PSMD6: variants seen among roughly 807,000 people sequenced by gnomAD.
PSMD6 encodes the protein 26S proteasome non-ATPase regulatory subunit 6.
PSMD6 carries 7 observed loss-of-function variants against 44.9 expected under a neutral mutation model. The observed-to-expected ratio is 0.16, with a 90% CI of 0.09 to 0.29. The LOEUF (loss-of-function observed/expected upper bound fraction) is 0.29. PSMD6 is among the 10% of genes least tolerant of loss of function. The pLI, the probability that PSMD6 is intolerant of heterozygous loss-of-function variation, is 1.00. For missense variants in PSMD6, 420 were observed against 482.6 expected, an observed-to-expected ratio of 0.87 and a Z score of 1.21; for synonymous variants, 184 against 172.7, an observed-to-expected ratio of 1.07 and a Z score of -0.51.
intron 2 of PSMD6, chr3:64,019,741 A>C: frequency 3.7e-6 from 1 of 271,340 alleles, no homozygotes. Flanking sequence ...TCTCTGTTCT[A>C]TATATTCAAT....
At chr3:64,023,230 CG>C (rs758250329) in intron 1 of PSMD6, 44 bp downstream of exon 1, 1 of 1,498,016 alleles carries the variant, frequency 6.7e-7, no homozygotes, top group South Asian at 1.2e-5. Flanking sequence ...AACGCGGGGA[CG>C]GCCCAGGCCT....
chr3:64,017,915 C>T (rs1182202392), intron 5 of PSMD6, among the ~76,000 whole-genome samples: 2 of 152,178 alleles, frequency 1.3e-5, no homozygotes, highest in African/African-American at 2.4e-5. Context: ...ATTCTTCTAT[C>T]ATCTTAATAG....
At chr3:64,011,814 C>G (rs75935796) in intron 6 of PSMD6, 2,362 of 152,372 alleles carry the variant, frequency 0.016, 36 homozygotes, top group South Asian at 0.023. Flanking sequence ...ACTGAAGAGA[C>G]GTAACCTGAC....
chr3:64,016,480 T>G (rs1260885182), intron 5 of PSMD6: 2 of 151,192 alleles, frequency 1.3e-5, no homozygotes, highest in Admixed American at 6.6e-5. Flanking sequence ...GCATAAGTTC[T>G]GCTCCCAGAA....
At position 64,010,893 on chromosome 3, in the gene PSMD6, A is replaced by T. The variant is rs1355856889; in HGVS notation, c.1058T>A (p.Ile353Lys). ...ATGAGAGTACCTGTTGGTTTCTACT[A>T]TTTCATTCACTTTATCTATTTTGCA... ...LHCKIDKVNE[I>K]VETNRPDSKN... The change falls in exon 7 of 8, where the codon ATA becomes AAA. Residue 353 changes from isoleucine to lysine, a missense_variant. By Grantham distance (102) the Ile-to-Lys change is moderately radical. This residue lies in a region of PSMD6 where 63 missense variants were observed against 112.1 expected (regional missense o/e 0.56). Transcript: ENST00000295901. 1 of 1,610,704 alleles carries T rather than the reference A, an allele frequency of 6.2e-7. No individual in the cohort carries two copies. Among genetic ancestry groups the T allele is most frequent in the Non-Finnish European group, 8.5e-7 (1 of 1,177,854 alleles).
intron 5 of PSMD6, chr3:64,014,499 T>G (rs1267329699): frequency 1.3e-5 from 2 of 151,882 alleles, no homozygotes; most frequent in Non-Finnish European, 2.9e-5. Context: ...CACAGAGCAA[T>G]GTAAATGATA....
At chr3:64,023,208 C>G in intron 1 of PSMD6, 67 bp downstream of exon 1, 1 of 1,481,340 alleles carries the variant, frequency 6.8e-7, no homozygotes, top group Non-Finnish European at 9.0e-7. Flanking sequence ...AAAAAGTCCC[C>G]GCAGGCTCCG....
chr3:64,022,802 C>T (rs753729147), intron 1 of PSMD6: 35 of 1,536,058 alleles, frequency 2.3e-5, no homozygotes, highest in Non-Finnish European at 3.0e-5. Flanking sequence ...TTCCAAAAGT[C>T]TTCAAACAGG....
intron 5 of PSMD6, among the ~76,000 whole-genome samples, chr3:64,017,981 G>A (rs1028961701): frequency 2.6e-5 from 4 of 152,192 alleles, no homozygotes; most frequent in South Asian, 4.1e-4. Flanking sequence ...ACAAGAGGGA[G>A]AAACAAGCAA....
chr3:64,011,442 G>A (rs2075947963), intron 6 of PSMD6: 3 of 148,098 alleles, frequency 2.0e-5, no homozygotes, highest in South Asian at 2.1e-4. Flanking sequence ...AAATGATGTA[G>A]AATTATTGCT....
intron 5 of PSMD6, chr3:64,014,432 G>A (rs1397868642): frequency 6.6e-6 from 1 of 152,086 alleles, no homozygotes; most frequent in Non-Finnish European, 1.5e-5. Flanking sequence ...GAGTGACTAG[G>A]AAGCCCTCCA....
In PSMD6 at chr3:64,023,430, G is replaced by A. The variant is rs2076166308; in HGVS notation, c.-11C>T. On this transcript the variant is annotated 5_prime_UTR_variant, in exon 1 of 8. Transcript: ENST00000295901. ...GTTCTCCAGCGGCATCGCGGCGAAG[G>A]GGACAGCGGCTGACAGGACACAACT... 1 of 1,592,418 alleles carries A rather than the reference G, an allele frequency of 6.3e-7. No individual in the cohort carries two copies. The highest frequency in any genetic ancestry group is 1.1e-5 in the South Asian group (1 of 89,878).
chr3:64,023,941 G>GT, upstream of PSMD6: 1 of 891,182 alleles, frequency 1.1e-6, no homozygotes, highest in Non-Finnish European at 1.7e-6. Flanking sequence ...CCAAGGTCAT[G>GT]TAACAGCCAT....
chr3:64,021,882 G>A (rs185304251), intron 2 of PSMD6, among the ~76,000 whole-genome samples: 66 of 152,022 alleles, frequency 4.3e-4, no homozygotes, highest in Non-Finnish European at 7.2e-4. Context: ...CCTATCCCTG[G>A]GCAGGTACAG....
intron 2 of PSMD6, among the ~76,000 whole-genome samples, chr3:64,021,212 AACAAC>A (rs1271171936): frequency 6.6e-6 from 1 of 152,250 alleles, no homozygotes; most frequent in Non-Finnish European, 1.5e-5. Context: ...AACAGATGAA[AACAAC>A]ACATATGTCC....
At chr3:64,015,217 TGA>T (rs1299892068) in intron 5 of PSMD6, 1 of 152,202 alleles carries the variant, frequency 6.6e-6, no homozygotes, top group East Asian at 1.9e-4. Context: ...TGCTATAGAT[TGA>T]GAGAAGTATA....
chr3:64,023,067 G>T, intron 1 of PSMD6: 3 of 1,429,280 alleles, frequency 2.1e-6, no homozygotes, highest in Non-Finnish European at 2.7e-6. Flanking sequence ...AGGCGGCACA[G>T]AGAGATGCAG....
At chr3:64,019,495 A>T in intron 2 of PSMD6, 54 bp from the exon 3 acceptor site, 1 of 1,549,716 alleles carries the variant, frequency 6.5e-7, no homozygotes. Flanking sequence ...TTCCAAAAAA[A>T]GCTATCAGCT....
intron 1 of PSMD6, chr3:64,022,995 G>T: frequency 7.0e-7 from 1 of 1,422,328 alleles, no homozygotes; most frequent in Non-Finnish European, 9.2e-7. Context: ...TTTACTCTGT[G>T]CCTAGCACAG....
Sources: gnomAD v4.1 joint callset for allele counts (sites outside exome capture counted in the v4.1 genomes callset) on GRCh38, gnomAD v4.1.1 for gene constraint, gnomAD v4.1.1 regional missense constraint, MANE v1.5 for transcripts, NCBI Gene and HGNC (gene_info 2026-07-23, HGNC 2026-07-21) for gene names.